The following ARID4B variants were observed in gnomAD, a reference collection of about 807,000 sequenced individuals.
ARID4B encodes AT-rich interaction domain 4B, also known as AT-rich interactive domain-containing protein 4B.
ARID4B carries 26 observed loss-of-function variants against 147.5 expected under a neutral mutation model. The ratio of observed to expected loss-of-function variants is 0.18; its 90% confidence interval spans 0.13 to 0.24. ARID4B has a LOEUF of 0.24. Among genes scored for constraint, ARID4B ranks in the 10% least tolerant of loss-of-function variants. The probability of loss-of-function intolerance (pLI) is 1.00; values close to 1 mark genes in which losing one functional copy is unlikely to be tolerated. For missense variants in ARID4B, 1,179 were observed against 1,511.5 expected, an observed-to-expected ratio of 0.78 and a Z score of 3.65; for synonymous variants, 512 against 507.9, an observed-to-expected ratio of 1.01 and a Z score of -0.11.
rs373494834 is a variant in ARID4B, at chr1:235,195,711, A to G, written c.1926+320T>C. 3.3e-5 allele frequency among the ~76,000 whole-genome samples: 5 copies of G among 152,218 alleles called. No individual in the cohort carries two copies. In the South Asian group the frequency reaches 1.0e-3, roughly 31 times the overall value. On this transcript the variant is annotated intron_variant, in intron 18 of 23. Coordinates refer to ENST00000264183, the MANE Select transcript of ARID4B (RefSeq NM_016374.6). ...TTCCTTGGAATGGTTTACAGCTACAATAATAACCTATGTCTCTCCAAGTCA... is the reference window on the plus strand; with the variant it reads ...TTCCTTGGAATGGTTTACAGCTACAGTAATAACCTATGTCTCTCCAAGTCA...
intron 5 of ARID4B, among the ~76,000 whole-genome samples, chr1:235,253,488 A>C: frequency 6.6e-6 from 1 of 152,194 alleles, no homozygotes. Context: ...AAATACTAAA[A>C]TGTCTATTAA....
Position 235,179,525 on chromosome 1 carries a change from CAAAAAAAAAAA to C in ARID4B, c.3335-1623_3335-1613del, listed in dbSNP as rs61143006. Among the ~76,000 whole-genome samples the C allele has an allele frequency of 5.8e-4, 28 of 48,370 alleles. No homozygotes were observed. The East Asian group carries it at 0.013, about 22-fold the overall frequency. The allele number at this position is 48,370 out of a possible 152,430, so 31.7% of individuals were successfully genotyped here. ...GCAACAAGAGCAAAACTCTATGTCTCAAAAAAAAAAAAAAAAAAAAAAAAAAAACCCAACAA... is the reference window on the plus strand; with the variant it reads ...GCAACAAGAGCAAAACTCTATGTCTCAAAAAAAAAAAAAAAAACCCAACAA... On this transcript the variant is annotated intron_variant, in intron 20 of 23. Transcript: ENST00000264183.
chr1:235,201,379 G>A (rs1665908390), intron 17 of ARID4B, among the ~76,000 whole-genome samples: 1 of 151,346 alleles, frequency 6.6e-6, no homozygotes, highest in African/African-American at 2.4e-5. Context: ...TCAGACTGGA[G>A]TGCGGTAGCG....
At chr1:235,196,005 AGT>A (rs1359525483) in intron 18 of ARID4B, 24 bp downstream of exon 18, 1 of 1,392,306 alleles carries the variant, frequency 7.2e-7, no homozygotes, top group Non-Finnish European at 1.0e-6. Context: ...AAGAGCTAAT[AGT>A]GTGTAGTAAA....
At chr1:235,200,209 C>T (rs1425589147) in intron 17 of ARID4B, among the ~76,000 whole-genome samples, 4 of 151,806 alleles carry the variant, frequency 2.6e-5, no homozygotes, top group Admixed American at 2.6e-4. Flanking sequence ...AATCCCAGCA[C>T]TTTGGGAGGC....
At chr1:235,282,791 A>T (rs1043101667) in intron 2 of ARID4B, among the ~76,000 whole-genome samples, 13 of 152,166 alleles carry the variant, frequency 8.5e-5, no homozygotes, top group Non-Finnish European at 1.3e-4. Context: ...TTATTTATTT[A>T]TTTATTTTTT....
intron 2 of ARID4B, among the ~76,000 whole-genome samples, chr1:235,264,873 A>T (rs1269978434): frequency 9.2e-5 from 14 of 151,916 alleles, no homozygotes; most frequent in Non-Finnish European, 2.9e-5. Flanking sequence ...AGCCTGGTCA[A>T]CATGGTGAAA....
chr1:235,270,706 G>C lies in ARID4B; in HGVS notation c.7-9954C>G, dbSNP rs1049119708. ...TTCTAAGTATCAAAAAAGCAAAGGA[G>C]CTTTCTCATGTAACACAGCCAATCT... On this transcript the variant is annotated intron_variant, in intron 2 of 23. Transcript: ENST00000264183. Among the ~76,000 whole-genome samples the C allele has an allele frequency of 2.0e-5, 3 of 152,294 alleles. 1 individual carries two copies.
At chr1:235,306,211 C>T (rs1438437435) in intron 2 of ARID4B, among the ~76,000 whole-genome samples, 1 of 152,096 alleles carries the variant, frequency 6.6e-6, no homozygotes, top group African/African-American at 2.4e-5. Context: ...TTAGAAATTA[C>T]ATGCCTACTA....
chr1:235,287,635 T>C (rs187190608), intron 2 of ARID4B, among the ~76,000 whole-genome samples: 67 of 152,372 alleles, frequency 4.4e-4, no homozygotes, highest in African/African-American at 1.5e-3. Flanking sequence ...CTTTATTCTC[T>C]ACCCAGTAAT....
intron 14 of ARID4B, 36 bp from the exon 15 acceptor site, chr1:235,220,581 C>T (rs1476697894): frequency 2.0e-6 from 3 of 1,477,642 alleles, no homozygotes; most frequent in Non-Finnish European, 1.8e-6. Flanking sequence ...TTGGTGAAAA[C>T]ATTTCAAAAT....
chr1:235,294,439 G>A (rs1438930766), intron 2 of ARID4B, among the ~76,000 whole-genome samples: 1 of 114,252 alleles, frequency 8.8e-6, no homozygotes, highest in African/African-American at 3.3e-5. Flanking sequence ...GAACCCAGGG[G>A]TTCAAGCAAT....
rs746486103 is a variant in ARID4B, at chr1:235,194,204, A to G, written c.1934T>C (p.Leu645Ser). The G allele has an allele frequency of 1.2e-6, 2 of 1,602,204 alleles. No individual in the cohort carries two copies. Among genetic ancestry groups the G allele is most frequent in the South Asian group, 2.2e-5 (2 of 90,736 alleles). ...IKHRKKIKNK[L>S]DKEKDKDEKY... ...TTCATCTTTGTCTTTTTCTTTGTCTAATTTATTCTAGGTTAAGAAAAAAAG... is the reference window on the plus strand; with the variant it reads ...TTCATCTTTGTCTTTTTCTTTGTCTGATTTATTCTAGGTTAAGAAAAAAAG... The change falls in exon 19 of 24, where the codon TTA becomes TCA. Residue 645 changes from leucine to serine, a missense_variant. Around this residue, in one of 10 missense-constraint regions of ARID4B, gnomAD observed 321 missense variants for 342.4 expected, o/e 0.94. Transcript: ENST00000264183.
At chr1:235,216,332 C>CACACAT (rs147460230) in intron 16 of ARID4B, among the ~76,000 whole-genome samples, 17 of 151,042 alleles carry the variant, frequency 1.1e-4, no homozygotes, top group African/African-American at 2.4e-4. Flanking sequence ...CACACACACA[C>CACACAT]ATATATACGT....
At chr1:235,282,535 T>C (rs1671726694) in intron 2 of ARID4B, among the ~76,000 whole-genome samples, 1 of 152,172 alleles carries the variant, frequency 6.6e-6, no homozygotes, top group South Asian at 2.1e-4. Context: ...ATTATAAATA[T>C]GGAAAATTTT....
At chr1:235,231,536 G>C (rs1251491009) in intron 9 of ARID4B, among the ~76,000 whole-genome samples, 1 of 152,082 alleles carries the variant, frequency 6.6e-6, no homozygotes, top group Non-Finnish European at 1.5e-5. Context: ...ATCCAGACTG[G>C]AGTGCAGTGG....
chr1:235,206,624 G>A (rs1442592387), intron 17 of ARID4B, among the ~76,000 whole-genome samples: 12 of 152,196 alleles, frequency 7.9e-5, no homozygotes, highest in African/African-American at 2.9e-4. Flanking sequence ...AATGGTTGTA[G>A]CTGGAGCAGC....
chr1:235,313,817 T>C (rs1328270081), intron 2 of ARID4B, among the ~76,000 whole-genome samples: 1 of 152,220 alleles, frequency 6.6e-6, no homozygotes, highest in Non-Finnish European at 1.5e-5. Context: ...CAAAGAGTTC[T>C]TGGAATAAAG....
intron 7 of ARID4B, among the ~76,000 whole-genome samples, chr1:235,245,605 G>C (rs1471575866): frequency 6.6e-6 from 1 of 152,016 alleles, no homozygotes; most frequent in Non-Finnish European, 1.5e-5. Context: ...AGTCCTAATT[G>C]TCAGACATAA....
Sources: allele counts gnomAD v4.1 joint callset (sites outside exome capture counted in the v4.1 genomes callset), GRCh38; gene constraint gnomAD v4.1.1; regional missense constraint gnomAD v4.1.1; transcripts MANE v1.5; gene names NCBI Gene and HGNC (gene_info 2026-07-23, HGNC 2026-07-21).